The following GRK5 variants were observed in gnomAD, a reference collection of about 807,000 sequenced individuals.
GRK5 encodes the protein G protein-coupled receptor kinase 5.
GRK5 carries 40 observed loss-of-function variants against 78.4 expected under a neutral mutation model. The ratio of observed to expected loss-of-function variants is 0.51; its 90% CI spans 0.40 to 0.66. GRK5 has a LOEUF of 0.66. Ranked by LOEUF, GRK5 falls within the 30% of genes least tolerant of loss-of-function variation. GRK5 has a pLI of 0.00. For missense variants in GRK5, 598 were observed against 759.9 expected, an observed-to-expected ratio of 0.79 and a Z score of 2.50; for synonymous variants, 289 against 296.8, an observed-to-expected ratio of 0.97 and a Z score of 0.27.
At chr10:119,279,572 G>A (rs1046073375) in intron 1 of GRK5, among the ~76,000 whole-genome samples, 99 of 152,344 alleles carry the variant, frequency 6.5e-4, no homozygotes, top group Middle Eastern at 3.4e-3. Context: ...AGCAGCAAGG[G>A]CTCCTCATTC....
intron 2 of GRK5, among the ~76,000 whole-genome samples, chr10:119,375,935 T>C (rs915528631): frequency 6.6e-6 from 1 of 152,250 alleles, no homozygotes; most frequent in Non-Finnish European, 1.5e-5. Flanking sequence ...ACTTCCTCTG[T>C]AAATGTCTCA....
intron 1 of GRK5, among the ~76,000 whole-genome samples, chr10:119,305,712 T>G (rs1850263056): frequency 6.6e-6 from 1 of 152,152 alleles, no homozygotes; most frequent in African/African-American, 2.4e-5. Context: ...AGCAACGTCA[T>G]TTGAGAGGTA....
chr10:119,370,178 A>G (rs1589769182), intron 2 of GRK5, among the ~76,000 whole-genome samples: 1 of 151,278 alleles, frequency 6.6e-6, no homozygotes, highest in South Asian at 2.1e-4. Context: ...GCACCCTTCC[A>G]CCCACCCTTT....
At chr10:119,401,119 A>G (rs7912377) in intron 4 of GRK5, among the ~76,000 whole-genome samples, 151,864 of 152,250 alleles carry the variant, frequency 1, 75,741 homozygotes, top group Middle Eastern at 1. Context: ...GCTGCCCTCC[A>G]TGGGCCCGTC....
At chr10:119,370,171 C>A (rs1203103300) in intron 2 of GRK5, among the ~76,000 whole-genome samples, 2 of 152,134 alleles carry the variant, frequency 1.3e-5, no homozygotes, top group Non-Finnish European at 2.9e-5. Flanking sequence ...CGCACAAGCA[C>A]CCTTCCACCC....
chr10:119,218,491 T>G (rs1848610875), intron 1 of GRK5, among the ~76,000 whole-genome samples: 1 of 152,164 alleles, frequency 6.6e-6, no homozygotes, highest in Admixed American at 6.5e-5. Flanking sequence ...CTGGAGAAGG[T>G]CGACAAATGT....
chr10:119,415,651 T>C (rs1221863735), intron 4 of GRK5, among the ~76,000 whole-genome samples: 1 of 152,078 alleles, frequency 6.6e-6, no homozygotes, highest in East Asian at 1.9e-4. Context: ...ACGGCTGAGA[T>C]TGCTAGATGT....
chr10:119,441,958 C>T (rs755761601), intron 10 of GRK5, 41 bp from the exon 11 acceptor site: 24 of 1,539,284 alleles, frequency 1.6e-5, no homozygotes, highest in African/African-American at 4.1e-5. Flanking sequence ...GGTGCCCATG[C>T]GGCTGTCCCA....
intron 1 of GRK5, among the ~76,000 whole-genome samples, chr10:119,221,575 C>T (rs899641940): frequency 1.3e-5 from 2 of 152,088 alleles, no homozygotes; most frequent in African/African-American, 4.8e-5. Flanking sequence ...TATATTTAAC[C>T]AAGCCCCTAG....
At position 119,291,984 on chromosome 10, in the gene GRK5, C is replaced by T. The variant is rs1232255983; in HGVS notation, c.53-34532C>T. ...CCTCTTCCTCCTTCTCCTCCTCTTC[C>T]TCCTTCTTCTCCTCCTCTTCCTCCT... On this transcript the variant is annotated intron_variant, in intron 1 of 15. Coordinates refer to ENST00000392870, the MANE Select transcript of GRK5 (RefSeq NM_005308.3). 6.0e-5 allele frequency among the ~76,000 whole-genome samples: 3 copies of T among 49,906 alleles called. No homozygotes were observed. The South Asian group carries it at 2.2e-3, about 36-fold the overall frequency. The allele number at this position is 49,906 out of a possible 152,430, so 32.7% of individuals were successfully genotyped here. A position where few individuals can be genotyped will look rare whatever the true frequency, so the allele number is the denominator to read the frequency against.
chr10:119,440,613 C>T (rs1853013296), intron 10 of GRK5, among the ~76,000 whole-genome samples: 1 of 149,292 alleles, frequency 6.7e-6, no homozygotes, highest in African/African-American at 2.5e-5. Context: ...TGCAGTGGTG[C>T]AATCTCAACT....
intron 4 of GRK5, among the ~76,000 whole-genome samples, chr10:119,410,356 T>TA (rs1158186594): frequency 6.6e-6 from 1 of 152,214 alleles, no homozygotes; most frequent in Non-Finnish European, 1.5e-5. Flanking sequence ...TTCTTCCTTA[T>TA]TTCTGTGAAG....
intron 6 of GRK5, 90 bp downstream of exon 6, chr10:119,425,175 G>A: frequency 1.1e-6 from 1 of 942,440 alleles, no homozygotes; most frequent in South Asian, 1.3e-5. Context: ...TACCTCCCGT[G>A]GGCTCATGGT....
At chr10:119,295,819 G>C (rs189510041) in intron 1 of GRK5, among the ~76,000 whole-genome samples, 49 of 152,144 alleles carry the variant, frequency 3.2e-4, no homozygotes, top group Middle Eastern at 3.4e-3. Flanking sequence ...GGTGGGGGGT[G>C]GTGGGGCATA....
chr10:119,364,947 AT>A (rs201261999), intron 2 of GRK5, among the ~76,000 whole-genome samples: 5 of 151,660 alleles, frequency 3.3e-5, no homozygotes, highest in East Asian at 1.9e-4. Flanking sequence ...CATCCTAATT[AT>A]TTTTTTTTCT....
chr10:119,294,412 T>C (rs779053901), intron 1 of GRK5, among the ~76,000 whole-genome samples: 5 of 152,088 alleles, frequency 3.3e-5, no homozygotes, highest in African/African-American at 4.8e-5. Flanking sequence ...AGGGAAATGT[T>C]GAATCCCAAA....
intron 2 of GRK5, among the ~76,000 whole-genome samples, chr10:119,380,582 A>C (rs1051141981): frequency 1.3e-5 from 2 of 152,220 alleles, no homozygotes; most frequent in Non-Finnish European, 2.9e-5. Context: ...AAATCAGAGC[A>C]TTGGACTGGG....
intron 1 of GRK5, among the ~76,000 whole-genome samples, chr10:119,244,787 T>C (rs558657537): frequency 1.4e-4 from 21 of 152,296 alleles, no homozygotes; most frequent in African/African-American, 4.6e-4. Context: ...ACCTCATACC[T>C]GTTAGGACAG....
At chr10:119,277,657 AC>A (rs200721314) in intron 1 of GRK5, among the ~76,000 whole-genome samples, 3,022 of 152,276 alleles carry the variant, frequency 0.02, 105 homozygotes, top group African/African-American at 0.068. Flanking sequence ...GAATCTACAT[AC>A]CACAAACAAG....
Sources: allele counts gnomAD v4.1 joint callset (sites outside exome capture counted in the v4.1 genomes callset), GRCh38; gene constraint gnomAD v4.1.1; transcripts MANE v1.5; gene names NCBI Gene and HGNC (gene_info 2026-07-23, HGNC 2026-07-21).